EDAR: variants seen among roughly 807,000 people sequenced by gnomAD.
The protein encoded by EDAR is tumor necrosis factor receptor superfamily member EDAR.
EDAR carries 38 observed loss-of-function variants against 51.3 expected under a neutral mutation model. That is an observed-to-expected ratio of 0.74 (90% CI 0.57 to 0.97). The LOEUF (loss-of-function observed/expected upper bound fraction) is 0.97, where lower values mean the gene tolerates loss of function less well. EDAR is among the 50% of genes least tolerant of loss of function. The pLI is 0.00. For synonymous variants in EDAR, 227 were observed against 242.1 expected, an observed-to-expected ratio of 0.94 and a Z score of 0.58; for missense variants, 528 against 595.0, an observed-to-expected ratio of 0.89 and a Z score of 1.17.
chr2:108,896,809 A>G lies in EDAR; in HGVS notation c.*98T>C. 8.1e-7 allele frequency: 1 copy of G among 1,232,520 alleles called. No homozygotes were observed. The highest frequency in any genetic ancestry group is 1.1e-6 in the Non-Finnish European group (1 of 875,424). The allele number at this position is 1,232,520 out of a possible 1,614,324, so 76.3% of individuals were successfully genotyped here. ...AAGGCATACGGTGACATATCACAAA[A>G]GCCTTGATTCTTGGCAGTCTTTTGG... On this transcript the variant is annotated 3_prime_UTR_variant, in exon 12 of 12. Transcript: ENST00000258443.
Position 108,895,022 on chromosome 2 carries a change from C to T in EDAR, c.*1885G>A, listed in dbSNP as rs540842456. The T allele has an allele frequency of 6.5e-6, 1 of 152,730 alleles. No homozygotes were observed. Among genetic ancestry groups the T allele is most frequent in the Non-Finnish European group, 1.5e-5 (1 of 68,100 alleles). 9.5% of individuals were successfully genotyped at this position (152,730 alleles called of 1,614,324 possible). ...TCTAATTAAGGGGAGACTCACTCATCATCATCACAAGGCAGGGGGAAGGGG... is the reference window on the plus strand; with the variant it reads ...TCTAATTAAGGGGAGACTCACTCATTATCATCACAAGGCAGGGGGAAGGGG... On this transcript the variant is annotated 3_prime_UTR_variant, in exon 12 of 12. Coordinates refer to ENST00000258443, the MANE Select transcript of EDAR (RefSeq NM_022336.4).
chr2:108,955,871 T>C (rs913782979), intron 1 of EDAR, among the ~76,000 whole-genome samples: 1 of 151,272 alleles, frequency 6.6e-6, no homozygotes, highest in Non-Finnish European at 1.5e-5. Flanking sequence ...CTAAAAAAAA[T>C]ACAAAAAATT....
chr2:108,949,190 G>A (rs7559299), intron 1 of EDAR, among the ~76,000 whole-genome samples: 2,562 of 152,104 alleles, frequency 0.017, 61 homozygotes, highest in African/African-American at 0.057. Flanking sequence ...CCATGTTGCC[G>A]ACACTGGTGG....
chr2:108,920,396 C>G (rs192737297), intron 5 of EDAR, among the ~76,000 whole-genome samples: 1 of 152,204 alleles, frequency 6.6e-6, no homozygotes, highest in African/African-American at 2.4e-5. Flanking sequence ...CTCCCTGCCC[C>G]CACTGTCATT....
intron 11 of EDAR, among the ~76,000 whole-genome samples, chr2:108,905,412 G>A (rs539605090): frequency 2.6e-5 from 4 of 152,256 alleles, no homozygotes; most frequent in South Asian, 4.1e-4. Flanking sequence ...ACATTTCAGC[G>A]GCAGCCAAGA....
chr2:108,923,542 G>T, intron 4 of EDAR, 89 bp from the exon 5 acceptor site: 1 of 1,213,572 alleles, frequency 8.2e-7, no homozygotes, highest in Non-Finnish European at 1.2e-6. Flanking sequence ...TGGCCAGTCT[G>T]CAGGCCCACA....
In EDAR at chr2:108,896,354, T is replaced by G. The variant is rs1261130926; in HGVS notation, c.*553A>C. ...GTGTCTGCATTTTGTTGCCATTTTATCAAAATGTTTGAGCTGCTTCTTCAC... is the reference window on the plus strand; with the variant it reads ...GTGTCTGCATTTTGTTGCCATTTTAGCAAAATGTTTGAGCTGCTTCTTCAC... On this transcript the variant is annotated 3_prime_UTR_variant, in exon 12 of 12. Coordinates refer to ENST00000258443, the MANE Select transcript of EDAR (RefSeq NM_022336.4). 6.5e-6 allele frequency: 1 copy of G among 154,180 alleles called. No individual in the cohort carries two copies. The highest frequency in any genetic ancestry group is 2.4e-5 in the African/African-American group (1 of 41,456). 9.6% of individuals were successfully genotyped at this position (154,180 alleles called of 1,614,324 possible).
At chr2:108,897,853 T>G (rs1334548221) in intron 11 of EDAR, among the ~76,000 whole-genome samples, 2 of 152,206 alleles carry the variant, frequency 1.3e-5, no homozygotes, top group Admixed American at 1.3e-4. Flanking sequence ...GCCCTGGACA[T>G]TCTGTGTAAA....
intron 1 of EDAR, among the ~76,000 whole-genome samples, chr2:108,954,411 C>T (rs780084208): frequency 1.3e-5 from 2 of 152,202 alleles, no homozygotes; most frequent in Non-Finnish European, 2.9e-5. Flanking sequence ...TGCCCTCTCT[C>T]GCCCTGCAAA....
intron 1 of EDAR, among the ~76,000 whole-genome samples, chr2:108,943,176 C>T (rs1697642357): frequency 6.6e-6 from 1 of 152,070 alleles, no homozygotes; most frequent in Non-Finnish European, 1.5e-5. Flanking sequence ...AAAGAGAATT[C>T]GTTTCTTCGT....
At chr2:108,912,807 C>T in intron 5 of EDAR, 43 bp from the exon 6 acceptor site, 3 of 1,508,058 alleles carry the variant, frequency 2.0e-6, no homozygotes, top group Non-Finnish European at 2.7e-6. Flanking sequence ...AGAGAAGCTC[C>T]ACCTTCAAAG....
chr2:108,979,061 A>G (rs1187056313), intron 1 of EDAR, among the ~76,000 whole-genome samples: 1 of 152,196 alleles, frequency 6.6e-6, no homozygotes, highest in Non-Finnish European at 1.5e-5. Context: ...TGCCAGCTTC[A>G]AAAACATTCA....
intron 5 of EDAR, among the ~76,000 whole-genome samples, chr2:108,917,253 G>T (rs186529090): frequency 2.4e-4 from 36 of 152,292 alleles, no homozygotes; most frequent in African/African-American, 8.2e-4. Context: ...GGATCTCATA[G>T]AAGTGGAGCA....
intron 1 of EDAR, among the ~76,000 whole-genome samples, chr2:108,936,000 C>T (rs1470431919): frequency 6.6e-6 from 1 of 152,202 alleles, no homozygotes; most frequent in African/African-American, 2.4e-5. Context: ...CAGACAGTGC[C>T]CACTGCAGGA....
At chr2:108,931,488 T>G (rs1009884111) in intron 1 of EDAR, among the ~76,000 whole-genome samples, 3 of 152,196 alleles carry the variant, frequency 2.0e-5, no homozygotes, top group African/African-American at 7.2e-5. Context: ...CAGCTTAGTG[T>G]TCTTCCCTCT....
chr2:108,953,748 A>C (rs944652425), intron 1 of EDAR, among the ~76,000 whole-genome samples: 4 of 152,160 alleles, frequency 2.6e-5, no homozygotes, highest in African/African-American at 9.7e-5. Context: ...GGAAACAATA[A>C]AGAAGCACCA....
intron 1 of EDAR, among the ~76,000 whole-genome samples, chr2:108,950,518 G>A (rs1697804503): frequency 6.6e-6 from 1 of 152,190 alleles, no homozygotes; most frequent in East Asian, 1.9e-4. Context: ...ATCAACCAGG[G>A]AAGCACAAGA....
chr2:108,953,397 A>T (rs1697861638), intron 1 of EDAR, among the ~76,000 whole-genome samples: 1 of 152,092 alleles, frequency 6.6e-6, no homozygotes, highest in Non-Finnish European at 1.5e-5. Context: ...AATTGTAGAT[A>T]CTTTATCTCT....
intron 1 of EDAR, among the ~76,000 whole-genome samples, chr2:108,932,743 G>C (rs949703563): frequency 6.6e-6 from 1 of 152,042 alleles, no homozygotes; most frequent in Non-Finnish European, 1.5e-5. Flanking sequence ...GGTCCTTTAG[G>C]AGATGCACCC....
Sources: allele counts gnomAD v4.1 joint callset (sites outside exome capture counted in the v4.1 genomes callset), GRCh38; gene constraint gnomAD v4.1.1; transcripts MANE v1.5; gene names NCBI Gene and HGNC (gene_info 2026-07-23, HGNC 2026-07-21).